DMXL1: variants seen among roughly 807,000 people sequenced by gnomAD.
DMXL1 encodes Dmx like 1, also known as dmX-like protein 1.
A neutral mutation model predicts 319.2 loss-of-function variants in DMXL1; 99 were observed. The observed-to-expected ratio is 0.31, with a 90% CI of 0.26 to 0.37. DMXL1 has a LOEUF of 0.37. Among genes scored for constraint, DMXL1 ranks in the 10% least tolerant of loss-of-function variants. DMXL1 has a pLI of 1.00. For synonymous variants in DMXL1, 1,385 were observed against 1,235.2 expected (o/e 1.12, Z -2.54); for missense variants, 3,745 against 3,595.6 (o/e 1.04, Z -1.06).
chr5:119,156,245 C>T (rs190416016), intron 19 of DMXL1, among the ~76,000 whole-genome samples: 47 of 152,268 alleles, frequency 3.1e-4, no homozygotes, highest in African/African-American at 1.0e-3. Context: ...TTGCTTAAGG[C>T]TCAGGTGATT....
chr5:119,167,536 G>A (rs1773680321), intron 22 of DMXL1, 67 bp from the exon 23 acceptor site: 1 of 1,317,094 alleles, frequency 7.6e-7, no homozygotes, highest in Admixed American at 2.5e-5. Context: ...TTATTAGTGA[G>A]TTAACAGAAT....
In DMXL1 at chr5:119,147,644, C is replaced by G. The variant is rs1368562048; in HGVS notation, c.2911+174C>G. On this transcript the variant is annotated intron_variant, in intron 17 of 43. Transcript: ENST00000539542. ...GTTCTCATTATGTTTTCAGATTACT[C>G]TGACATTTATCAGCCAGTTCTAGTC... 1.6e-5 allele frequency: 8 copies of G among 505,422 alleles called. No homozygotes were observed. The Admixed American group carries it at 1.8e-4, about 11-fold the overall frequency. 31.3% of individuals were successfully genotyped at this position (505,422 alleles called of 1,614,324 possible).
In DMXL1 at chr5:119,099,195, T is replaced by C. The variant is rs1756677297; in HGVS notation, c.213+1091T>C. 6.4e-5 allele frequency among the ~76,000 whole-genome samples: 3 copies of C among 46,632 alleles called. No individual in the cohort carries two copies. The South Asian group carries it at 3.0e-3, about 47-fold the overall frequency. 30.6% of individuals were successfully genotyped at this position (46,632 alleles called of 152,430 possible). A position where few individuals can be genotyped will look rare whatever the true frequency, so the allele number is the denominator to read the frequency against. On this transcript the variant is annotated intron_variant, in intron 2 of 43. Transcript: ENST00000539542. ...TTTGGGTTTTTTTTTTGTTTTTTGT[T>C]TGTTTTTGTTTGTTTGTTTTGTTTT... is the stretch of plus-strand genomic sequence containing the variant.
rs1790037692 is a variant in DMXL1 at position 119,247,818 on chromosome 5, G to T, written c.*599G>T. 1 of 152,138 alleles carries T rather than the reference G, an allele frequency of 6.6e-6. No individual in the cohort carries two copies. The allele number at this position is 152,138 out of a possible 1,614,324, so 9.4% of individuals were successfully genotyped here. On this transcript the variant is annotated 3_prime_UTR_variant, in exon 44 of 44. Coordinates refer to ENST00000539542, the MANE Select transcript of DMXL1 (RefSeq NM_001290321.3). ...TATGTATGTATACGTGTGTGTGTGT[G>T]TGTGTGTGTGTATCTTACACATCTT...
At chr5:119,102,672 A>G (rs1367724052) in intron 3 of DMXL1, among the ~76,000 whole-genome samples, 2 of 152,258 alleles carry the variant, frequency 1.3e-5, no homozygotes, top group South Asian at 4.2e-4. Flanking sequence ...GCACATGCCT[A>G]TAGTCTCACC....
At chr5:119,187,950 C>G (rs1778039729) in intron 28 of DMXL1, among the ~76,000 whole-genome samples, 1 of 152,108 alleles carries the variant, frequency 6.6e-6, no homozygotes, top group Non-Finnish European at 1.5e-5. Context: ...GCCACCGCAC[C>G]CAGCCAAAAA....
intron 1 of DMXL1, among the ~76,000 whole-genome samples, chr5:119,074,392 T>A (rs1750344632): frequency 6.6e-6 from 1 of 152,252 alleles, no homozygotes; most frequent in Non-Finnish European, 1.5e-5. Flanking sequence ...TTATTCCTTT[T>A]GGTACTTTGT....
intron 9 of DMXL1, among the ~76,000 whole-genome samples, chr5:119,123,421 A>AGAGGGAGAG (rs1762747883): frequency 1.2e-5 from 1 of 82,058 alleles, no homozygotes; most frequent in Non-Finnish European, 2.4e-5. Flanking sequence ...GAGAGGAGGG[A>AGAGGGAGAG]GAGGGAGAGG....
chr5:119,098,122 A>T lies in DMXL1; in HGVS notation c.213+18A>T. Reference sequence around the variant, plus strand: ...AAGGCAAGGTTTGTAATCTTCTTCTAATATACAAATTTGTTTGGAATATGG... The same window carrying T: ...AAGGCAAGGTTTGTAATCTTCTTCTTATATACAAATTTGTTTGGAATATGG... On this transcript the variant is annotated intron_variant, in intron 2 of 43. Coordinates refer to ENST00000539542, the MANE Select transcript of DMXL1 (RefSeq NM_001290321.3). 6.3e-7 allele frequency: 1 copy of T among 1,595,294 alleles called. No homozygotes were observed. The highest frequency in any genetic ancestry group is 8.5e-7 in the Non-Finnish European group (1 of 1,175,294).
chr5:119,157,446 T>C (rs1411059998), intron 19 of DMXL1, among the ~76,000 whole-genome samples: 1 of 152,230 alleles, frequency 6.6e-6, no homozygotes, highest in African/African-American at 2.4e-5. Context: ...CTAGTAGTTT[T>C]ACAATGCAGG....
chr5:119,235,663 T>A (rs777244539), intron 39 of DMXL1, among the ~76,000 whole-genome samples: 24 of 152,162 alleles, frequency 1.6e-4, no homozygotes, highest in Non-Finnish European at 7.4e-5. Flanking sequence ...GTGTAACTTT[T>A]GGTTTTTAGA....
intron 19 of DMXL1, among the ~76,000 whole-genome samples, chr5:119,158,485 A>G (rs1312341305): frequency 6.6e-6 from 1 of 152,134 alleles, no homozygotes; most frequent in Non-Finnish European, 1.5e-5. Context: ...TCTCTTGTCT[A>G]AATGCTCTGG....
intron 4 of DMXL1, among the ~76,000 whole-genome samples, chr5:119,108,550 A>G (rs1264935203): frequency 6.6e-6 from 1 of 151,730 alleles, no homozygotes; most frequent in African/African-American, 2.4e-5. Context: ...CAGCCTCCCT[A>G]GTGTCTGGTA....
chr5:119,078,540 T>C (rs972088714), intron 1 of DMXL1, among the ~76,000 whole-genome samples: 4 of 152,180 alleles, frequency 2.6e-5, no homozygotes, highest in Admixed American at 2.6e-4. Context: ...AGCCTCAATC[T>C]CCTAGGCTCA....
intron 33 of DMXL1, among the ~76,000 whole-genome samples, chr5:119,205,686 A>G (rs1377071690): frequency 6.6e-6 from 1 of 152,072 alleles, no homozygotes; most frequent in Non-Finnish European, 1.5e-5. Context: ...TACTCTTAAA[A>G]TAGTGTCTTT....
At position 119,144,604 on chromosome 5, in the gene DMXL1, A is replaced by G. The variant is rs777304918; in HGVS notation, c.2535A>G (p.Lys845=). The change falls in exon 15 of 44, where the codon AAA becomes AAG. Residue 845 remains lysine, a synonymous_variant. Coordinates refer to ENST00000539542, the MANE Select transcript of DMXL1 (RefSeq NM_001290321.3). ...EDFILNNLEK[K]SLGKDSILSN... ...TCATTTTGAATAACCTTGAGAAGAA[A>G]AGCCTTGGCAAAGACAGCATTTTAT... 24 of 1,600,084 alleles carry G rather than the reference A, an allele frequency of 1.5e-5. No homozygotes were observed. The Admixed American group carries it at 4.3e-4, about 29-fold the overall frequency.
chr5:119,178,750 G>A (rs1187406628), intron 28 of DMXL1: 2 of 714,824 alleles, frequency 2.8e-6, no homozygotes, highest in Non-Finnish European at 1.7e-6. Flanking sequence ...TGTTTTGAGG[G>A]GTTGGGGTAC....
chr5:119,196,308 G>A, intron 30 of DMXL1, 63 bp from the exon 31 acceptor site: 1 of 1,250,978 alleles, frequency 8.0e-7, no homozygotes, highest in South Asian at 1.2e-5. Flanking sequence ...GAGTCAAAGG[G>A]TAGTATACTC....
At chr5:119,116,089 C>T (rs571541159) in intron 6 of DMXL1, 69 bp from the exon 7 acceptor site, 67 of 1,433,214 alleles carry the variant, frequency 4.7e-5, no homozygotes, top group Non-Finnish European at 5.8e-5. Context: ...AAAATTCTTA[C>T]TTTTGCTATT....
Sources: gnomAD v4.1 joint callset for allele counts (sites outside exome capture counted in the v4.1 genomes callset) on GRCh38, gnomAD v4.1.1 for gene constraint, MANE v1.5 for transcripts, NCBI Gene and HGNC (gene_info 2026-07-23, HGNC 2026-07-21) for gene names.